RAB5C: variants seen among roughly 807,000 people sequenced by gnomAD.
The protein encoded by RAB5C is ras-related protein Rab-5C.
Under a neutral mutation model 25.2 loss-of-function variants are expected in RAB5C, and 4 were observed. The ratio of observed to expected loss-of-function variants is 0.16; its 90% CI spans 0.08 to 0.36. The LOEUF (loss-of-function observed/expected upper bound fraction) is 0.36. Among genes scored for constraint, RAB5C ranks in the 10% least tolerant of loss-of-function variants. The pLI, the probability that RAB5C is intolerant of heterozygous loss-of-function variation, is 1.00. For missense variants in RAB5C, 199 were observed against 283.8 expected, an observed-to-expected ratio of 0.70 and a Z score of 2.15; for synonymous variants, 100 against 106.4, an observed-to-expected ratio of 0.94 and a Z score of 0.37.
intron 1 of RAB5C, among the ~76,000 whole-genome samples, chr17:42,147,144 A>AG (rs2079642545): frequency 1.6e-4 from 16 of 99,676 alleles, no homozygotes; most frequent in African/African-American, 1.1e-3. Context: ...GAAAGAAAGA[A>AG]AGAGAGAGAG....
Position 42,130,370 on chromosome 17 carries a change from G to C in RAB5C, c.133C>G (p.Gln45Glu). 1.2e-6 allele frequency: 2 copies of C among 1,613,738 alleles called. No individual in the cohort carries two copies. The highest frequency in any genetic ancestry group is 1.7e-6 in the Non-Finnish European group (2 of 1,179,708). Residue 45 changes from glutamine (Q) to glutamate (E), a missense_variant, in exon 2 of 6, where the codon CAG (glutamine) becomes GAG (glutamate). Coordinates refer to ENST00000346213, the MANE Select transcript of RAB5C (RefSeq NM_004583.4). Reference sequence around the variant, plus strand: ...GTGCTCTCCTGGTACTCGTGAAACTGTCCCTTGACAAAGCGGAGGACGAGG... The same window carrying C: ...GTGCTCTCCTGGTACTCGTGAAACTCTCCCTTGACAAAGCGGAGGACGAGG... ...SSLVLRFVKG[Q>E]FHEYQESTIG...
chr17:42,131,643 G>A (rs1215607593), intron 1 of RAB5C: 2 of 1,531,804 alleles, frequency 1.3e-6, no homozygotes, highest in Non-Finnish European at 1.7e-6. Context: ...ATGGGGCGAT[G>A]GAGAGAAAGA....
At chr17:42,151,859 G>A (rs181150839) in intron 1 of RAB5C, among the ~76,000 whole-genome samples, 60 of 152,134 alleles carry the variant, frequency 3.9e-4, no homozygotes, top group African/African-American at 1.4e-3. Context: ...CGCTGGGGAA[G>A]ACAAAAAAAC....
chr17:42,131,668 T>G (rs1598246385), intron 1 of RAB5C: 2 of 1,501,606 alleles, frequency 1.3e-6, no homozygotes, highest in Non-Finnish European at 1.8e-6. Flanking sequence ...GCAGGAGGTG[T>G]GGGAGGGCAG....
rs782299857 is a variant in RAB5C, at chr17:42,125,869, T to C, written c.565A>G (p.Asn189Asp). 1.9e-6 allele frequency: 3 copies of C among 1,611,574 alleles called. No individual in the cohort carries two copies. The highest frequency in any genetic ancestry group is 2.5e-6 in the Non-Finnish European group (3 of 1,179,094). ...AKKLPKNEPQ[N>D]ATGAPGRNRG... ...TTTCGGCCTGGAGCACCAGTTGCAT[T>C]CTGGGGCTCGTTCTTGGGAAGCTTC... The change falls in exon 6 of 6, where the codon AAT becomes GAT. Residue 189 changes from asparagine (N) to aspartate (D), a missense_variant. Asn to Asp is a conservative substitution (Grantham distance 23). Transcript: ENST00000346213.
intron 4 of RAB5C, 49 bp from the exon 5 acceptor site, chr17:42,126,897 G>GCCAGGGC (rs771744497): frequency 2.2e-5 from 28 of 1,290,118 alleles, no homozygotes; most frequent in Admixed American, 1.2e-4. Flanking sequence ...GTTGGCAGGG[G>GCCAGGGC]CCAGGGCCCA....
chr17:42,150,295 C>G (rs1464394750), intron 1 of RAB5C, among the ~76,000 whole-genome samples: 2 of 151,888 alleles, frequency 1.3e-5, no homozygotes, highest in East Asian at 1.9e-4. Flanking sequence ...CATGTTGAAT[C>G]AGAATCAGTG....
At chr17:42,131,849 C>A (rs1024955199) in intron 1 of RAB5C, 1 of 491,726 alleles carries the variant, frequency 2.0e-6, no homozygotes, top group African/African-American at 1.9e-5. Flanking sequence ...GATGTCTCAT[C>A]AGACATATAC....
chr17:42,152,280 C>T (rs746932152), intron 1 of RAB5C, among the ~76,000 whole-genome samples: 1 of 152,012 alleles, frequency 6.6e-6, no homozygotes, highest in South Asian at 2.1e-4. Flanking sequence ...GTTTAACAGC[C>T]CTCTAATTGT....
intron 1 of RAB5C, among the ~76,000 whole-genome samples, chr17:42,148,070 C>A (rs992734478): frequency 1.3e-5 from 2 of 151,760 alleles, no homozygotes; most frequent in African/African-American, 2.4e-5. Context: ...TGCACTCTAG[C>A]CTGGGCAACA....
At chr17:42,131,273 A>C (rs1441989918) in intron 1 of RAB5C, among the ~76,000 whole-genome samples, 1 of 152,190 alleles carries the variant, frequency 6.6e-6, no homozygotes, top group African/African-American at 2.4e-5. Flanking sequence ...TCACTCTCTC[A>C]TCCTGATCCT....
At chr17:42,146,167 T>C (rs1055712618) in intron 1 of RAB5C, among the ~76,000 whole-genome samples, 3 of 151,786 alleles carry the variant, frequency 2.0e-5, no homozygotes, top group African/African-American at 7.3e-5. Flanking sequence ...TCAAAAACAA[T>C]AAAAGTCTGA....
At chr17:42,148,159 C>T (rs2079648591) in intron 1 of RAB5C, among the ~76,000 whole-genome samples, 1 of 151,578 alleles carries the variant, frequency 6.6e-6, no homozygotes, top group Non-Finnish European at 1.5e-5. Context: ...GCCTGTAGTC[C>T]CAGCACTGGG....
chr17:42,153,386 C>A (rs1484622842), intron 1 of RAB5C, among the ~76,000 whole-genome samples: 1 of 152,088 alleles, frequency 6.6e-6, no homozygotes, highest in South Asian at 2.1e-4. Context: ...CACTGCACTC[C>A]AGCCTGGGCG....
At chr17:42,128,070 C>T (rs1248158806) in intron 4 of RAB5C, among the ~76,000 whole-genome samples, 191 bp downstream of exon 4, 1 of 152,168 alleles carries the variant, frequency 6.6e-6, no homozygotes, top group Admixed American at 6.6e-5. Flanking sequence ...TCCTCCCACT[C>T]CAGCCTCCCA....
At chr17:42,154,850 T>C (rs2079696802) in intron 1 of RAB5C, 43 bp downstream of exon 1, 1 of 152,328 alleles carries the variant, frequency 6.6e-6, no homozygotes, top group African/African-American at 2.4e-5. Context: ...TGGAGATGCT[T>C]CAACGCAGGC....
intron 5 of RAB5C, among the ~76,000 whole-genome samples, chr17:42,126,176 G>A (rs945251643): frequency 6.6e-6 from 1 of 152,154 alleles, no homozygotes; most frequent in African/African-American, 2.4e-5. Context: ...TAGGCAGTGG[G>A]TAGGGGTAGT....
At chr17:42,147,148 G>C (rs67549123) in intron 1 of RAB5C, among the ~76,000 whole-genome samples, 2 of 72,060 alleles carry the variant, frequency 2.8e-5, no homozygotes, top group Non-Finnish European at 5.0e-5. Context: ...GAAAGAAAGA[G>C]AGAGAGAGAG....
At position 42,129,685 on chromosome 17, in the gene RAB5C, T is replaced by G. The variant is rs568713069; in HGVS notation, c.166+652A>C. ...AATGCTGAGGAGGCAGCAGGGAGAC[T>G]GCTGACATGGCCCATTTTGTTTCCA... On this transcript the variant is annotated intron_variant, in intron 2 of 5. Transcript: ENST00000346213. Among the ~76,000 whole-genome samples, 36 of 152,354 alleles carry G rather than the reference T, an allele frequency of 2.4e-4. 1 individual carries two copies. In the South Asian group the frequency reaches 4.1e-3, roughly 18 times the overall value.
Sources: gnomAD v4.1 joint callset for allele counts (sites outside exome capture counted in the v4.1 genomes callset) on GRCh38, gnomAD v4.1.1 for gene constraint, MANE v1.5 for transcripts, NCBI Gene and HGNC (gene_info 2026-07-23, HGNC 2026-07-21) for gene names.